SYT9: variants seen among roughly 807,000 people sequenced by gnomAD.
The protein encoded by SYT9 is synaptotagmin-9.
Under a neutral mutation model 48.4 loss-of-function variants are expected in SYT9, and 22 were observed. The observed-to-expected ratio is 0.45, with a 90% CI of 0.32 to 0.65. The LOEUF is 0.65. SYT9 is among the 30% of genes least tolerant of loss of function. SYT9 has a pLI of 0.03. For missense variants in SYT9, 577 were observed against 622.0 expected (o/e 0.93, Z 0.77); for synonymous variants, 265 against 245.0 (o/e 1.08, Z -0.76).
At chr11:7,405,839 G>A (rs1208689505) in intron 3 of SYT9, among the ~76,000 whole-genome samples, 2 of 152,088 alleles carry the variant, frequency 1.3e-5, no homozygotes, top group Admixed American at 1.3e-4. Context: ...AACTTTAAAG[G>A]ATTTATTTTA....
chr11:7,428,149 A>G (rs1467496541), intron 6 of SYT9: 2 of 152,256 alleles, frequency 1.3e-5, no homozygotes, highest in Non-Finnish European at 2.9e-5. Context: ...TAATCATACA[A>G]AACATAGGAG....
Position 7,313,587 on chromosome 11 carries a change from T to C in SYT9, c.690T>C (p.Tyr230=), listed in dbSNP as rs1849182439. ...GGAAACTGAACTTCATTTTAAAATA[T>C]GACTGTGACTTAGAGCAGCTCATAG... ...ACGKLNFILK[Y]DCDLEQLIVK... Residue 230 remains tyrosine, a synonymous_variant, in exon 3 of 7, where the codon TAT becomes TAC. Transcript: ENST00000318881. The C allele has an allele frequency of 6.2e-7, 1 of 1,614,046 alleles. No homozygotes were observed. Among genetic ancestry groups the C allele is most frequent in the African/African-American group, 1.3e-5 (1 of 74,920 alleles).
At chr11:7,284,026 T>G (rs551308698) in intron 1 of SYT9, among the ~76,000 whole-genome samples, 1 of 152,238 alleles carries the variant, frequency 6.6e-6, no homozygotes, top group Non-Finnish European at 1.5e-5. Context: ...AATCTTGTCA[T>G]GTTCTAATTG....
chr11:7,248,900 T>C (rs1240838839), upstream of SYT9, among the ~76,000 whole-genome samples: 1 of 151,844 alleles, frequency 6.6e-6, no homozygotes, highest in African/African-American at 2.4e-5. Flanking sequence ...AAAGAGCAAA[T>C]CTGGAGGCAT....
intron 3 of SYT9, among the ~76,000 whole-genome samples, chr11:7,328,748 A>G (rs1414340018): frequency 6.6e-6 from 1 of 152,016 alleles, no homozygotes; most frequent in African/African-American, 2.4e-5. Flanking sequence ...TGTTTAGTAC[A>G]TTTTTGAGAA....
At chr11:7,426,297 A>C (rs930505329) in intron 6 of SYT9, among the ~76,000 whole-genome samples, 1 of 152,086 alleles carries the variant, frequency 6.6e-6, no homozygotes, top group Admixed American at 6.5e-5. Flanking sequence ...ACTGTGGGCT[A>C]TAGTCTCAGC....
At chr11:7,343,533 C>T (rs1345625897) in intron 3 of SYT9, among the ~76,000 whole-genome samples, 1 of 152,218 alleles carries the variant, frequency 6.6e-6, no homozygotes, top group Non-Finnish European at 1.5e-5. Flanking sequence ...CCACCTCAGC[C>T]TGGATTTAAT....
intron 1 of SYT9, among the ~76,000 whole-genome samples, chr11:7,258,093 A>T (rs1848008488): frequency 6.6e-6 from 1 of 152,210 alleles, no homozygotes; most frequent in Admixed American, 6.5e-5. Context: ...TCACTGAAGT[A>T]GCATTGAGGC....
At chr11:7,371,535 T>C (rs1378606483) in intron 3 of SYT9, among the ~76,000 whole-genome samples, 1 of 152,206 alleles carries the variant, frequency 6.6e-6, no homozygotes, top group Non-Finnish European at 1.5e-5. Flanking sequence ...AGTTTACATT[T>C]AATAAAATGC....
At chr11:7,271,822 C>T (rs1408145962) in intron 1 of SYT9, among the ~76,000 whole-genome samples, 1 of 152,078 alleles carries the variant, frequency 6.6e-6, no homozygotes, top group Admixed American at 6.6e-5. Flanking sequence ...ATGATCTGCC[C>T]GCCTCGGCCT....
intron 3 of SYT9, among the ~76,000 whole-genome samples, chr11:7,413,333 T>C (rs1404847121): frequency 6.6e-6 from 1 of 152,180 alleles, no homozygotes; most frequent in African/African-American, 2.4e-5. Flanking sequence ...CATAGTCCTT[T>C]AGGGGCTCGG....
intron 3 of SYT9, among the ~76,000 whole-genome samples, chr11:7,394,774 T>C (rs565327625): frequency 2.0e-5 from 3 of 152,266 alleles, no homozygotes; most frequent in East Asian, 3.9e-4. Context: ...CAAGTCAGAT[T>C]ATTAATTTGA....
At chr11:7,251,726 A>T (rs540930896), upstream of SYT9, among the ~76,000 whole-genome samples, 1 of 152,214 alleles carries the variant, frequency 6.6e-6, no homozygotes, top group Non-Finnish European at 1.5e-5. Context: ...TCCCCAAGCC[A>T]GGGCGCGGCC....
intron 1 of SYT9, among the ~76,000 whole-genome samples, chr11:7,258,100 A>G (rs1848008827): frequency 6.6e-6 from 1 of 152,180 alleles, no homozygotes; most frequent in African/African-American, 2.4e-5. Context: ...AGTAGCATTG[A>G]GGCACTTTTA....
intron 3 of SYT9, among the ~76,000 whole-genome samples, chr11:7,374,895 C>A (rs947736209): frequency 6.6e-6 from 1 of 152,160 alleles, no homozygotes; most frequent in African/African-American, 2.4e-5. Flanking sequence ...ATGATAGTTT[C>A]TTTCCCTGTG....
chr11:7,347,209 C>T (rs962906162), intron 3 of SYT9, among the ~76,000 whole-genome samples: 5 of 151,338 alleles, frequency 3.3e-5, no homozygotes, highest in Admixed American at 2.7e-4. Flanking sequence ...TTAACCAATA[C>T]TGCTTTCAAA....
At chr11:7,357,094 A>G (rs1163794193) in intron 3 of SYT9, among the ~76,000 whole-genome samples, 1 of 152,220 alleles carries the variant, frequency 6.6e-6, no homozygotes, top group Non-Finnish European at 1.5e-5. Context: ...GTGTGAATAG[A>G]AAGTACCAGA....
intron 1 of SYT9, among the ~76,000 whole-genome samples, chr11:7,276,244 T>A (rs1378718122): frequency 1.3e-5 from 2 of 152,190 alleles, no homozygotes; most frequent in East Asian, 1.9e-4. Context: ...TATCTCGTAA[T>A]AATTTCTCAG....
intron 3 of SYT9, among the ~76,000 whole-genome samples, chr11:7,384,458 C>CA (rs1347118131): frequency 6.6e-6 from 1 of 152,148 alleles, no homozygotes; most frequent in South Asian, 2.1e-4. Context: ...CTTGCTCAGG[C>CA]AAAAAATTCT....
Sources: gnomAD v4.1 joint callset for allele counts (sites outside exome capture counted in the v4.1 genomes callset) on GRCh38, gnomAD v4.1.1 for gene constraint, MANE v1.5 for transcripts, NCBI Gene and HGNC (gene_info 2026-07-23, HGNC 2026-07-21) for gene names.